Variants in PTPRS observed in about 807,000 individuals in gnomAD.
PTPRS encodes the protein protein tyrosine phosphatase receptor type S, also known as receptor-type tyrosine-protein phosphatase S.
PTPRS carries 63 observed loss-of-function variants against 215.3 expected under a neutral mutation model. That is an observed-to-expected ratio of 0.29 (90% confidence interval 0.24 to 0.36). PTPRS has a LOEUF of 0.36. PTPRS is among the 10% of genes least tolerant of loss of function. The pLI is 1.00. For missense variants in PTPRS, 2,258 were observed against 2,825.8 expected (o/e 0.80, Z 4.56); for synonymous variants, 1,404 against 1,191.4 (o/e 1.18, Z -3.68).
intron 2 of PTPRS, chr19:5,277,600 G>T (rs562515016): frequency 4.9e-5 from 16 of 324,630 alleles, no homozygotes; most frequent in African/African-American, 3.5e-4. Flanking sequence ...AGCTTGCAGT[G>T]AGCCGAGATC....
At chr19:5,231,257 C>CG in intron 14 of PTPRS, 53 bp downstream of exon 14, 4 of 1,524,284 alleles carry the variant, frequency 2.6e-6, no homozygotes, top group Non-Finnish European at 3.5e-6. Flanking sequence ...GGCTTCGAGG[C>CG]GGGGGCCGGG....
In PTPRS at chr19:5,221,012, G is replaced by T. The variant is rs761866681; in HGVS notation, c.3443C>A (p.Pro1148His). Residue 1148 changes from proline (P) to histidine (H), a missense_variant, in exon 20 of 38, where the codon CCC (proline) becomes CAC (histidine). Around this residue, in one of 6 missense-constraint regions of PTPRS, gnomAD observed 927 missense variants for 1,125.9 expected, o/e 0.82. Transcript: ENST00000262963. ...IMVYLPDGQS[P>H]VPVQSYFIVM... The stretch of plus-strand genomic sequence containing the variant: ...GGGGTGAGCATACTGGACAGGCACG[G>T]GGCTCTGGCCGTCAGGAAGATACAC... The T allele has an allele frequency of 2.4e-5, 39 of 1,610,658 alleles. No homozygotes were observed. Among genetic ancestry groups the T allele is most frequent in the Non-Finnish European group, 9.3e-6 (11 of 1,178,136 alleles).
intron 2 of PTPRS, chr19:5,277,695 G>A (rs1358629897): frequency 1.1e-5 from 6 of 537,856 alleles, no homozygotes; most frequent in South Asian, 1.9e-5. Context: ...CTTCCTCGGC[G>A]CTGCCTAAGG....
At chr19:5,319,424 T>C (rs2049966251) in intron 1 of PTPRS, among the ~76,000 whole-genome samples, 1 of 149,752 alleles carries the variant, frequency 6.7e-6, no homozygotes, top group South Asian at 2.1e-4. Flanking sequence ...TTTTTTTTTT[T>C]TTTTTTTTTA....
intron 4 of PTPRS, among the ~76,000 whole-genome samples, chr19:5,267,015 G>A (rs910703935): frequency 6.6e-6 from 1 of 152,168 alleles, no homozygotes; most frequent in Non-Finnish European, 1.5e-5. Flanking sequence ...TGTCACCACA[G>A]CATCCGTAGC....
At chr19:5,214,067 G>A (rs1390779788) in intron 30 of PTPRS, among the ~76,000 whole-genome samples, 1 of 152,216 alleles carries the variant, frequency 6.6e-6, no homozygotes, top group Non-Finnish European at 1.5e-5. Context: ...CAGAGGACAA[G>A]TGGGCAAAGA....
rs1196220241 is a variant in PTPRS at position 5,244,903 on chromosome 19, C to T, written c.989-421G>A. The stretch of plus-strand genomic sequence containing the variant: ...CAGGATGGTCTCGATCTCCTGACCT[C>T]GTGATCCGCCCGCCTCGGCCTCCCG... On this transcript the variant is annotated intron_variant, in intron 10 of 37. Coordinates refer to ENST00000262963, the MANE Select transcript of PTPRS (RefSeq NM_002850.4). This position sits in a 1 kb window ranked among gnomAD's most constrained non-coding sequence, Gnocchi z 7.2. 2.0e-5 allele frequency among the ~76,000 whole-genome samples: 3 copies of T among 151,954 alleles called. No homozygotes were observed. The highest frequency in any genetic ancestry group is 2.9e-5 in the Non-Finnish European group (2 of 67,940).
intron 18 of PTPRS, 91 bp from the exon 19 acceptor site, chr19:5,222,311 C>T (rs889465026): frequency 6.6e-5 from 71 of 1,078,758 alleles, no homozygotes; most frequent in African/African-American, 2.3e-4. Flanking sequence ...TGGGGTGGGG[C>T]GGCCCAGGCG....
chr19:5,259,997 T>C (rs1318730987), intron 7 of PTPRS, among the ~76,000 whole-genome samples: 1 of 152,052 alleles, frequency 6.6e-6, no homozygotes, highest in East Asian at 1.9e-4. Flanking sequence ...TGGACACTGA[T>C]TCTTCCCCAG....
chr19:5,338,381 C>T lies in PTPRS; in HGVS notation c.-95+2283G>A, dbSNP rs939848807. On this transcript the variant is annotated intron_variant, in intron 1 of 37. Coordinates refer to ENST00000262963, the MANE Select transcript of PTPRS (RefSeq NM_002850.4). This position sits in a 1 kb window ranked among gnomAD's most constrained non-coding sequence, Gnocchi z 4.2. ...GCCTAGCCCCCATGCAGAAGTGCAC[C>T]GTCATGATGAGGGTGTCCCCCGGGC... Among the ~76,000 whole-genome samples the T allele has an allele frequency of 6.6e-6, 1 of 152,246 alleles. No homozygotes were observed. Among genetic ancestry groups the T allele is most frequent in the East Asian group, 1.9e-4 (1 of 5,154 alleles).
chr19:5,292,479 C>A (rs1176479599), intron 1 of PTPRS, among the ~76,000 whole-genome samples: 1 of 152,152 alleles, frequency 6.6e-6, no homozygotes, highest in East Asian at 1.9e-4. Flanking sequence ...GGTCCTGGAA[C>A]GGCTTAGAGC....
At chr19:5,335,651 C>G (rs2050471588) in intron 1 of PTPRS, among the ~76,000 whole-genome samples, 1 of 152,084 alleles carries the variant, frequency 6.6e-6, no homozygotes, top group Non-Finnish European at 1.5e-5. Flanking sequence ...GCAAGGCCAC[C>G]CAGATAACAT....
At position 5,216,814 on chromosome 19, in the gene PTPRS, G is replaced by T. The variant is rs749495353; in HGVS notation, c.4049-47C>A. The stretch of plus-strand genomic sequence containing the variant: ...TAAATGAAAACATGCAGGGGGTAGG[G>T]GGGGGTCCCACCTCTGCCTCCCCCA... On this transcript the variant is annotated intron_variant, in intron 25 of 37. Transcript: ENST00000262963. The T allele has an allele frequency of 2.8e-5, 38 of 1,356,182 alleles. No individual in the cohort carries two copies. In the African/African-American group the frequency reaches 4.9e-4, roughly 18 times the overall value. 84.0% of individuals were successfully genotyped at this position (1,356,182 alleles called of 1,614,324 possible). A position where few individuals can be genotyped will look rare whatever the true frequency, so the allele number is the denominator to read the frequency against.
rs1277856250 is a variant in PTPRS at position 5,247,518 on chromosome 19, G to A, written c.719-1473C>T. On this transcript the variant is annotated intron_variant, in intron 9 of 37. Transcript: ENST00000262963. Reference sequence around the variant, plus strand: ...TCTAGCAGGAAAAGGGGTTGTCCCTGGGTGACAGTCTCAGGTCCTAAAGAA... The same window carrying A: ...TCTAGCAGGAAAAGGGGTTGTCCCTAGGTGACAGTCTCAGGTCCTAAAGAA... Among the ~76,000 whole-genome samples the A allele has an allele frequency of 2.6e-5, 4 of 152,178 alleles. No homozygotes were observed. The East Asian group carries it at 7.7e-4, about 29-fold the overall frequency.
chr19:5,290,654 G>A lies in PTPRS; in HGVS notation c.-94-4420C>T, dbSNP rs577862668. 7.2e-5 allele frequency among the ~76,000 whole-genome samples: 11 copies of A among 152,196 alleles called. No individual in the cohort carries two copies. In the South Asian group the frequency reaches 2.3e-3, roughly 32 times the overall value. On this transcript the variant is annotated intron_variant, in intron 1 of 37. Transcript: ENST00000262963. ...AGGCTCCAGCTGTAGAGTCCATGCTGCCCTGTCCTGGGGCGGGAGTCTGGG... is the reference window on the plus strand; with the variant it reads ...AGGCTCCAGCTGTAGAGTCCATGCTACCCTGTCCTGGGGCGGGAGTCTGGG...
intron 4 of PTPRS, among the ~76,000 whole-genome samples, chr19:5,271,811 G>A (rs778094913): frequency 6.0e-5 from 9 of 151,158 alleles, no homozygotes; most frequent in Non-Finnish European, 1.2e-4. Flanking sequence ...TGCAACCTCC[G>A]CCTCTTGGGT....
chr19:5,205,988 A>C lies in PTPRS; in HGVS notation c.*786T>G, dbSNP rs1458861143. The stretch of plus-strand genomic sequence containing the variant: ...AAAATGAAACAAAAAGGGGGAAAAA[A>C]AAAGCCAAGAAAGAAAAAAGGACAT... On this transcript the variant is annotated 3_prime_UTR_variant, in exon 38 of 38. Transcript: ENST00000262963. 6.6e-6 allele frequency among the ~76,000 whole-genome samples: 1 copy of C among 151,914 alleles called. No homozygotes were observed. Among genetic ancestry groups the C allele is most frequent in the African/African-American group, 2.4e-5 (1 of 41,344 alleles).
intron 1 of PTPRS, among the ~76,000 whole-genome samples, chr19:5,312,871 A>AG (rs2049751730): frequency 6.6e-6 from 1 of 152,068 alleles, no homozygotes; most frequent in Non-Finnish European, 1.5e-5. Context: ...GCGGCAGCAG[A>AG]GGGGGGACAT....
In PTPRS at chr19:5,322,879, C is replaced by CAAAA. The variant is rs60988670; in HGVS notation, c.-95+17781_-95+17784dup. On this transcript the variant is annotated intron_variant, in intron 1 of 37. Coordinates refer to ENST00000262963, the MANE Select transcript of PTPRS (RefSeq NM_002850.4). ...GGGCAACAAGAGCAAAACTCCGTCT[C>CAAAA]AAAAAAAAAAAAAAAAAAAAAGAAG... is the stretch of plus-strand genomic sequence containing the variant. 1.1e-3 allele frequency among the ~76,000 whole-genome samples: 74 copies of CAAAA among 65,826 alleles called. 2 individuals carry two copies. The highest frequency in any genetic ancestry group is 2.6e-3 in the African/African-American group (52 of 19,706). 43.2% of individuals were successfully genotyped at this position (65,826 alleles called of 152,430 possible). A position where few individuals can be genotyped will look rare whatever the true frequency, so the allele number is the denominator to read the frequency against.
Sources: gnomAD v4.1 joint callset for allele counts (sites outside exome capture counted in the v4.1 genomes callset) on GRCh38, gnomAD v4.1.1 for gene constraint, gnomAD v4.1.1 regional missense constraint, Gnocchi (gnomAD v3.1) non-coding constraint, MANE v1.5 for transcripts, NCBI Gene and HGNC (gene_info 2026-07-23, HGNC 2026-07-21) for gene names.